The following NR2F1-AS1 variants were observed in gnomAD, a reference collection of about 807,000 sequenced individuals.
NR2F1-AS1 encodes NR2F1 regulatory antisense RNA 1.
chr5:93,540,390 T>C (rs1751924589), intron 4 of NR2F1-AS1, among the ~76,000 whole-genome samples: 1 of 152,204 alleles, frequency 6.6e-6, no homozygotes, highest in South Asian at 2.1e-4. Context: ...TGTTTCCTTT[T>C]CTTTCTTTGT....
intron 4 of NR2F1-AS1, among the ~76,000 whole-genome samples, chr5:93,517,926 G>A (rs561180512): frequency 1.1e-4 from 16 of 152,070 alleles, no homozygotes; most frequent in African/African-American, 3.4e-4. Flanking sequence ...GTTTCAACTA[G>A]AAGGAAAAAT....
intron 4 of NR2F1-AS1, among the ~76,000 whole-genome samples, chr5:93,498,620 G>T (rs184783544): frequency 6.6e-6 from 1 of 151,870 alleles, no homozygotes; most frequent in Non-Finnish European, 1.5e-5. Context: ...AAAATACAAA[G>T]GTTCCTCTAT....
chr5:93,444,747 A>G (rs1278195394), intron 4 of NR2F1-AS1, among the ~76,000 whole-genome samples: 1 of 152,194 alleles, frequency 6.6e-6, no homozygotes, highest in African/African-American at 2.4e-5. Flanking sequence ...CAGAATATAC[A>G]TTCTTCTCAG....
At chr5:93,581,674 C>G (rs563728157), upstream of NR2F1-AS1, among the ~76,000 whole-genome samples, 349 of 25,032 alleles carry the variant, frequency 0.014, no homozygotes, top group Non-Finnish European at 0.02. Flanking sequence ...CTCGGTCTCT[C>G]TCTCTCTCTC....
chr5:93,572,322 G>C (rs190807582), intron 1 of NR2F1-AS1, among the ~76,000 whole-genome samples: 71 of 152,344 alleles, frequency 4.7e-4, no homozygotes, highest in African/African-American at 1.6e-3. Flanking sequence ...AACTAGATAC[G>C]GGGTCTCTCT....
chr5:93,574,428 C>T (rs540314072), intron 1 of NR2F1-AS1, among the ~76,000 whole-genome samples: 1 of 152,306 alleles, frequency 6.6e-6, no homozygotes, highest in South Asian at 2.1e-4. Context: ...CGACTGGGTT[C>T]TCAACTCACC....
At chr5:93,488,762 T>C (rs1750777282) in intron 4 of NR2F1-AS1, among the ~76,000 whole-genome samples, 1 of 152,132 alleles carries the variant, frequency 6.6e-6, no homozygotes, top group African/African-American at 2.4e-5. Context: ...ATACCCAAAG[T>C]ATTTTAAATC....
intron 4 of NR2F1-AS1, among the ~76,000 whole-genome samples, chr5:93,496,268 T>C (rs994720804): frequency 6.6e-6 from 1 of 152,210 alleles, no homozygotes; most frequent in African/African-American, 2.4e-5. Context: ...CGTCTTGCTT[T>C]GCTCAAGCAG....
chr5:93,540,251 A>G (rs148458178), intron 4 of NR2F1-AS1, among the ~76,000 whole-genome samples: 215 of 152,328 alleles, frequency 1.4e-3, no homozygotes, highest in Middle Eastern at 6.8e-3. Flanking sequence ...AGAATCACTA[A>G]TGTTGAATAC....
chr5:93,416,001 T>C (rs1425753710), intron 4 of NR2F1-AS1, among the ~76,000 whole-genome samples: 1 of 152,192 alleles, frequency 6.6e-6, no homozygotes, highest in Non-Finnish European at 1.5e-5. Context: ...ATCGAAGTAA[T>C]TCAGTCTGCT....
chr5:93,465,634 A>G (rs1363440544), intron 4 of NR2F1-AS1, among the ~76,000 whole-genome samples: 1 of 152,008 alleles, frequency 6.6e-6, no homozygotes, highest in African/African-American at 2.4e-5. Context: ...GTGTATGTTT[A>G]TTGCAGCACT....
Position 93,452,640 on chromosome 5 carries a change from C to T in NR2F1-AS1, n.639-57098G>A, listed in dbSNP as rs573149057. On this transcript the variant is annotated intron_variant and non_coding_transcript_variant, in intron 4 of 5. Transcript: ENST00000660523. ...TCCTCAAGGCTGAGGAAAGAAACAT[C>T]AGGAAGCAGTATACCAAATAATTTC... 2.0e-5 allele frequency among the ~76,000 whole-genome samples: 3 copies of T among 152,278 alleles called. No individual in the cohort carries two copies. The South Asian group carries it at 6.2e-4, about 32-fold the overall frequency.
chr5:93,443,809 G>A (rs1444512357), intron 4 of NR2F1-AS1, among the ~76,000 whole-genome samples: 3 of 152,120 alleles, frequency 2.0e-5, no homozygotes, highest in African/African-American at 7.2e-5. Flanking sequence ...AGAAAGGTTG[G>A]GTTACCCACA....
upstream of NR2F1-AS1, chr5:93,583,750 AAAG>A (rs1228662535): frequency 6.6e-6 from 1 of 152,158 alleles, no homozygotes; most frequent in African/African-American, 2.4e-5. Flanking sequence ...AGAAAGAGGA[AAAG>A]AAGAGGATTA....
intron 4 of NR2F1-AS1, among the ~76,000 whole-genome samples, chr5:93,526,709 C>T (rs946512681): frequency 5.9e-5 from 9 of 152,076 alleles, no homozygotes; most frequent in Non-Finnish European, 8.8e-5. Context: ...AATCAATAAA[C>T]GTAATACATC....
chr5:93,572,373 G>A (rs892310726), intron 1 of NR2F1-AS1, among the ~76,000 whole-genome samples: 1 of 152,220 alleles, frequency 6.6e-6, no homozygotes, highest in African/African-American at 2.4e-5. Flanking sequence ...CGGCTTGTGG[G>A]TATCCAGCCC....
At chr5:93,475,525 C>T (rs569544027) in intron 4 of NR2F1-AS1, among the ~76,000 whole-genome samples, 2 of 152,136 alleles carry the variant, frequency 1.3e-5, no homozygotes, top group South Asian at 2.1e-4. Flanking sequence ...TACAGCACAC[C>T]CTAGAAGGGA....
At chr5:93,452,180 A>G (rs1440474348) in intron 4 of NR2F1-AS1, among the ~76,000 whole-genome samples, 1 of 152,220 alleles carries the variant, frequency 6.6e-6, no homozygotes, top group African/African-American at 2.4e-5. Context: ...AAGTACAAAA[A>G]AAAACACTGT....
At chr5:93,461,043 T>C (rs1021270128) in intron 4 of NR2F1-AS1, among the ~76,000 whole-genome samples, 5 of 152,224 alleles carry the variant, frequency 3.3e-5, no homozygotes, top group South Asian at 2.1e-4. Context: ...CATATGTTCA[T>C]TGCAGCACTT....
Sources: gnomAD v4.1 joint callset for allele counts (sites outside exome capture counted in the v4.1 genomes callset) on GRCh38, gnomAD v4.1.1 for gene constraint, MANE v1.5 for transcripts, NCBI Gene and HGNC (gene_info 2026-07-23, HGNC 2026-07-21) for gene names.